LY86: variants seen among roughly 807,000 people sequenced by gnomAD.
LY86 encodes lymphocyte antigen 86, also known as MD-1, RP105-associated.
LY86 carries 20 observed loss-of-function variants against 17.3 expected under a neutral mutation model. That is an observed-to-expected ratio of 1.15 (90% CI 0.81 to 1.68). The LOEUF is 1.68. Ranked by LOEUF, LY86 falls within the 40% of genes most tolerant of loss-of-function variation. The pLI, the probability that LY86 is intolerant of heterozygous loss-of-function variation, is 0.00. For synonymous variants in LY86, 74 were observed against 70.6 expected, an observed-to-expected ratio of 1.05 and a Z score of -0.24; for missense variants, 200 against 191.9, an observed-to-expected ratio of 1.04 and a Z score of -0.25.
chr6:6,605,857 G>A lies in LY86; in HGVS notation c.136+16987G>A, dbSNP rs1039680209. ...CGGTGAATGTTACAGCTCTTAAGGG[G>A]GCATCTGGAGCTCTTCGTTTCTCGC... On this transcript the variant is annotated intron_variant, in intron 1 of 4. Transcript: ENST00000230568. Among the ~76,000 whole-genome samples, 15 of 151,826 alleles carry A rather than the reference G, an allele frequency of 9.9e-5. No individual in the cohort carries two copies. In the East Asian group the frequency reaches 2.7e-3, roughly 27 times the overall value.
chr6:6,607,684 G>A (rs914521131), intron 1 of LY86, among the ~76,000 whole-genome samples: 1 of 152,030 alleles, frequency 6.6e-6, no homozygotes, highest in African/African-American at 2.4e-5. Flanking sequence ...TAGATCACCT[G>A]AGGTCAGTTG....
chr6:6,613,965 A>G (rs1283311914), intron 1 of LY86, among the ~76,000 whole-genome samples: 4 of 152,208 alleles, frequency 2.6e-5, no homozygotes, highest in African/African-American at 9.6e-5. Flanking sequence ...TCATTCTCAA[A>G]TTCTGATGGA....
At chr6:6,613,628 C>G (rs1261049128) in intron 1 of LY86, among the ~76,000 whole-genome samples, 2 of 152,248 alleles carry the variant, frequency 1.3e-5, no homozygotes, top group South Asian at 2.1e-4. Context: ...CTGCGCTTCC[C>G]CCTTCATATC....
At position 6,640,270 on chromosome 6, in the gene LY86, G is replaced by A. The variant is rs895839207; in HGVS notation, c.353-9355G>A. 4.6e-5 allele frequency among the ~76,000 whole-genome samples: 7 copies of A among 152,172 alleles called. No homozygotes were observed. The East Asian group carries it at 9.7e-4, about 21-fold the overall frequency. On this transcript the variant is annotated intron_variant, in intron 3 of 4. Transcript: ENST00000230568. Reference sequence around the variant, plus strand: ...GCTTCTATTAGGAATAAAAAGTGTAGGGAGAGGCCGGGTGCAGTGTCTCAC... The same window carrying A: ...GCTTCTATTAGGAATAAAAAGTGTAAGGAGAGGCCGGGTGCAGTGTCTCAC...
At chr6:6,637,314 T>A (rs1761975233) in intron 3 of LY86, among the ~76,000 whole-genome samples, 1 of 152,050 alleles carries the variant, frequency 6.6e-6, no homozygotes, top group Non-Finnish European at 1.5e-5. Context: ...CCTGGCCACA[T>A]ACTGTTTTTT....
At chr6:6,613,199 G>A (rs1025003427) in intron 1 of LY86, among the ~76,000 whole-genome samples, 6 of 151,890 alleles carry the variant, frequency 4.0e-5, no homozygotes, top group East Asian at 1.9e-4. Context: ...AGACTCAGGA[G>A]CCCAGCTGGC....
chr6:6,601,269 A>C (rs1293032698), intron 1 of LY86, among the ~76,000 whole-genome samples: 1 of 152,184 alleles, frequency 6.6e-6, no homozygotes, highest in Non-Finnish European at 1.5e-5. Flanking sequence ...CAGGCAACGG[A>C]GAGAGAAGGC....
Position 6,592,853 on chromosome 6 carries a change from C to T in LY86, c.136+3983C>T, listed in dbSNP as rs539222423. On this transcript the variant is annotated intron_variant, in intron 1 of 4. Transcript: ENST00000230568. ...ATCAATGTTGGCTGTTTAAGCCCCC[C>T]AGTCTATATAATTTGTTAAACCTGC... Among the ~76,000 whole-genome samples the T allele has an allele frequency of 3.0e-4, 46 of 152,286 alleles. 1 individual carries two copies. The South Asian group carries it at 9.1e-3, about 30-fold the overall frequency.
At chr6:6,606,021 C>T (rs143121107) in intron 1 of LY86, among the ~76,000 whole-genome samples, 1,922 of 152,272 alleles carry the variant, frequency 0.013, 32 homozygotes, top group African/African-American at 0.028. Context: ...ACAAAACTTC[C>T]ACAGCACGTA....
At chr6:6,637,258 A>G (rs761903771) in intron 3 of LY86, among the ~76,000 whole-genome samples, 57 of 152,116 alleles carry the variant, frequency 3.7e-4, no homozygotes, top group Non-Finnish European at 6.8e-4. Flanking sequence ...TGATCAGCCC[A>G]CCTCGGCCTC....
chr6:6,629,283 T>C (rs1268805633), intron 3 of LY86, among the ~76,000 whole-genome samples: 3 of 152,228 alleles, frequency 2.0e-5, no homozygotes, highest in Non-Finnish European at 4.4e-5. Context: ...ATGTAAACTA[T>C]GTAAGTCAGA....
At position 6,607,218 on chromosome 6, in the gene LY86, G is replaced by A. The variant is rs578022111; in HGVS notation, c.137-17708G>A. On this transcript the variant is annotated intron_variant, in intron 1 of 4. Transcript: ENST00000230568. Reference sequence around the variant, plus strand: ...AAGACAATGTTTATTTATGCAAGACGAAAAAGTTCTAGAAATCTGTGGCCC... The same window carrying A: ...AAGACAATGTTTATTTATGCAAGACAAAAAAGTTCTAGAAATCTGTGGCCC... Among the ~76,000 whole-genome samples, 36 of 152,294 alleles carry A rather than the reference G, an allele frequency of 2.4e-4. No individual in the cohort carries two copies. In the South Asian group the frequency reaches 7.2e-3, roughly 31 times the overall value.
chr6:6,603,863 TAAAAG>T (rs746906684), intron 1 of LY86, among the ~76,000 whole-genome samples: 36 of 151,048 alleles, frequency 2.4e-4, no homozygotes, highest in Middle Eastern at 6.8e-3. Context: ...TAAGAAATAA[TAAAAG>T]AAACAGAAAA....
At chr6:6,591,467 T>C (rs1036955192) in intron 1 of LY86, 1 of 153,698 alleles carries the variant, frequency 6.5e-6, no homozygotes, top group African/African-American at 2.4e-5. Flanking sequence ...GATGGTGAGG[T>C]TGGTATCTGG....
chr6:6,599,563 G>A (rs1404109007), intron 1 of LY86, among the ~76,000 whole-genome samples: 1 of 152,208 alleles, frequency 6.6e-6, no homozygotes, highest in Non-Finnish European at 1.5e-5. Flanking sequence ...CTGCCTTGCG[G>A]CTACTGGTGA....
intron 1 of LY86, among the ~76,000 whole-genome samples, chr6:6,607,434 GGTAA>G (rs1443478220): frequency 1.3e-5 from 2 of 151,818 alleles, no homozygotes; most frequent in Admixed American, 6.6e-5. Flanking sequence ...AATTTTCAAA[GGTAA>G]GTACTACCTG....
At chr6:6,614,872 G>C (rs1761514457) in intron 1 of LY86, among the ~76,000 whole-genome samples, 1 of 152,182 alleles carries the variant, frequency 6.6e-6, no homozygotes, top group Admixed American at 6.5e-5. Context: ...CTGAGGCAGG[G>C]GAAACATGGT....
chr6:6,631,294 A>T (rs1270038659), intron 3 of LY86, among the ~76,000 whole-genome samples: 3 of 152,112 alleles, frequency 2.0e-5, no homozygotes, highest in Non-Finnish European at 4.4e-5. Flanking sequence ...GAGGAAATTG[A>T]GTCTAACTTA....
intron 1 of LY86, among the ~76,000 whole-genome samples, chr6:6,589,983 T>C (rs899654192): frequency 1.3e-5 from 2 of 151,980 alleles, no homozygotes; most frequent in Non-Finnish European, 2.9e-5. Context: ...TAGCTGGGCA[T>C]GGTGGCACGC....
Sources: allele counts gnomAD v4.1 joint callset (sites outside exome capture counted in the v4.1 genomes callset), GRCh38; gene constraint gnomAD v4.1.1; transcripts MANE v1.5; gene names NCBI Gene and HGNC (gene_info 2026-07-23, HGNC 2026-07-21).